Variants in NCMAP observed in about 807,000 individuals in gnomAD.
NCMAP encodes non-compact myelin associated protein.
Under a neutral mutation model 7.8 loss-of-function variants are expected in NCMAP, and 8 were observed. That is an observed-to-expected ratio of 1.02 (90% CI 0.60 to 1.84). The LOEUF is 1.84. NCMAP is among the 40% of genes most tolerant of loss of function. NCMAP has a pLI of 0.00. For synonymous variants in NCMAP, 41 were observed against 52.9 expected (o/e 0.78, Z 0.98); for missense variants, 112 against 131.4 (o/e 0.85, Z 0.72).
At chr1:24,602,192 G>A (rs1352239979) in intron 3 of NCMAP, among the ~76,000 whole-genome samples, 2 of 152,172 alleles carry the variant, frequency 1.3e-5, no homozygotes, top group Non-Finnish European at 2.9e-5. Context: ...CCAAGGGAAA[G>A]CAACACAGCA....
chr1:24,592,350 G>A (rs1366581799), intron 1 of NCMAP, among the ~76,000 whole-genome samples: 2 of 152,154 alleles, frequency 1.3e-5, no homozygotes, highest in Admixed American at 1.3e-4. Flanking sequence ...AGTTCGTCTA[G>A]TATTCCCTGT....
chr1:24,565,402 C>T (rs1651197914), intron 1 of NCMAP, among the ~76,000 whole-genome samples: 1 of 111,030 alleles, frequency 9.0e-6, no homozygotes, highest in African/African-American at 4.9e-5. Flanking sequence ...GTCACTGCAA[C>T]ACTTGTTCTC....
At position 24,571,506 on chromosome 1, in the gene NCMAP, A is replaced by C. The variant is rs141402832; in HGVS notation, c.-8+15337A>C. The stretch of plus-strand genomic sequence containing the variant: ...AAAGAAAGAAAAAAGAAACAGGCTA[A>C]ATTTTGATATTTTATGTAACCCAGC... On this transcript the variant is annotated intron_variant, in intron 1 of 3. Coordinates refer to ENST00000374392, the MANE Select transcript of NCMAP (RefSeq NM_001010980.5). Among the ~76,000 whole-genome samples the C allele has an allele frequency of 1.6e-4, 24 of 150,700 alleles. No individual in the cohort carries two copies. In the East Asian group the frequency reaches 4.6e-3, roughly 29 times the overall value.
chr1:24,581,931 G>T (rs1344425212), intron 1 of NCMAP, among the ~76,000 whole-genome samples: 1 of 152,176 alleles, frequency 6.6e-6, no homozygotes, highest in Non-Finnish European at 1.5e-5. Flanking sequence ...GGTCCTTCAG[G>T]ACAGGATGAA....
rs369104585 is a variant in NCMAP at position 24,605,666 on chromosome 1, C to T, written c.228C>T (p.Ala76=). Residue 76 remains alanine, a synonymous_variant, in exon 4 of 4, where the codon GCC becomes GCT. Coordinates refer to ENST00000374392, the MANE Select transcript of NCMAP (RefSeq NM_001010980.5). ...PKGPKPTAPS[A]VGPNSNGSQH... ...GCCCCAAGCCAACCGCCCCTTCTGCCGTGGGCCCAAACAGCAACGGCAGCC... is the reference window on the plus strand; with the variant it reads ...GCCCCAAGCCAACCGCCCCTTCTGCTGTGGGCCCAAACAGCAACGGCAGCC... 3.3e-4 allele frequency: 530 copies of T among 1,614,036 alleles called. 1 individual carries two copies. The highest frequency in any genetic ancestry group is 4.0e-4 in the Non-Finnish European group (474 of 1,180,040).
At chr1:24,586,048 A>G (rs1239369651) in intron 1 of NCMAP, among the ~76,000 whole-genome samples, 1 of 151,992 alleles carries the variant, frequency 6.6e-6, no homozygotes, top group Non-Finnish European at 1.5e-5. Flanking sequence ...TGGCATGAGC[A>G]CTCCAGGCAC....
intron 3 of NCMAP, among the ~76,000 whole-genome samples, chr1:24,602,049 A>AC (rs1404741825): frequency 6.6e-6 from 1 of 152,026 alleles, no homozygotes; most frequent in East Asian, 1.9e-4. Context: ...TCAAAAAAAA[A>AC]AAAAATCATA....
Position 24,576,789 on chromosome 1 carries a change from T to C in NCMAP, c.-7-18635T>C, listed in dbSNP as rs1431430589. 2.6e-5 allele frequency among the ~76,000 whole-genome samples: 4 copies of C among 151,982 alleles called. No homozygotes were observed. The highest frequency in any genetic ancestry group is 9.7e-5 in the African/African-American group (4 of 41,376). Reference sequence around the variant, plus strand: ...GAGTTTTCAAGATGGCCGTGTTAAGTAGGTGAGGTAGTGAGCCCCATAGAC... The same window carrying C: ...GAGTTTTCAAGATGGCCGTGTTAAGCAGGTGAGGTAGTGAGCCCCATAGAC... On this transcript the variant is annotated intron_variant, in intron 1 of 3. Coordinates refer to ENST00000374392, the MANE Select transcript of NCMAP (RefSeq NM_001010980.5). This position sits in a 1 kb window ranked among gnomAD's most constrained non-coding sequence, Gnocchi z 4.0.
chr1:24,600,985 T>A lies in NCMAP; in HGVS notation c.128T>A (p.Ile43Asn). The A allele has an allele frequency of 1.9e-6, 3 of 1,614,160 alleles. No homozygotes were observed. The highest frequency in any genetic ancestry group is 2.5e-6 in the Non-Finnish European group (3 of 1,180,030). Residue 43 changes from isoleucine (I) to asparagine (N), a missense_variant, in exon 3 of 4, where the codon ATC becomes AAC. Transcript: ENST00000374392. ...VAAVVVVVII[I>N]FTVVLILLKM... is the part of the protein sequence containing the mutation. Reference sequence around the variant, plus strand: ...GCCGTTGTGGTGGTTGTCATCATCATCTTCACCGTGGTTCTGATCCTGCTG... The same window carrying A: ...GCCGTTGTGGTGGTTGTCATCATCAACTTCACCGTGGTTCTGATCCTGCTG...
chr1:24,571,026 C>T (rs937850360), intron 1 of NCMAP, among the ~76,000 whole-genome samples: 3 of 150,714 alleles, frequency 2.0e-5, no homozygotes, highest in Admixed American at 6.6e-5. Flanking sequence ...CATCAAACCC[C>T]ATTCTGCTTC....
rs201396171 is a variant in NCMAP, at chr1:24,573,598, AAGAAACAAAAAC to A, written c.-8+17431_-8+17442del. 3.8e-3 allele frequency among the ~76,000 whole-genome samples: 557 copies of A among 145,706 alleles called. 36 individuals carry two copies. The highest frequency in any genetic ancestry group is 0.015 in the African/African-American group (548 of 36,266). On this transcript the variant is annotated intron_variant, in intron 1 of 3. Coordinates refer to ENST00000374392, the MANE Select transcript of NCMAP (RefSeq NM_001010980.5). ...GCAAGACTCTGTCCCCCCTACAAAA[AAGAAACAAAAAC>A]AAAAACAAAAACAAAAACTTGACTG...
intron 3 of NCMAP, 67 bp downstream of exon 3, chr1:24,601,091 G>A: frequency 7.8e-7 from 1 of 1,284,670 alleles, no homozygotes. Flanking sequence ...TAAATGGGAG[G>A]TGATATATGG....
At chr1:24,599,739 G>A (rs557224200) in intron 2 of NCMAP, among the ~76,000 whole-genome samples, 5 of 146,014 alleles carry the variant, frequency 3.4e-5, no homozygotes, top group South Asian at 4.4e-4. Context: ...CATCACGCCC[G>A]GCTAATTTTT....
intron 1 of NCMAP, among the ~76,000 whole-genome samples, chr1:24,591,989 T>C (rs1008635698): frequency 1.3e-5 from 2 of 152,154 alleles, no homozygotes; most frequent in Admixed American, 1.3e-4. Flanking sequence ...TGACCCCTGC[T>C]TCCATCAGAG....
intron 1 of NCMAP, among the ~76,000 whole-genome samples, chr1:24,578,371 G>C (rs571108224): frequency 1.5e-3 from 223 of 149,952 alleles, no homozygotes; most frequent in African/African-American, 5.2e-3. Flanking sequence ...ATGGACACAG[G>C]AGTTTTCCAA....
chr1:24,582,222 C>T (rs904085563), intron 1 of NCMAP, among the ~76,000 whole-genome samples: 7 of 152,100 alleles, frequency 4.6e-5, no homozygotes, highest in Non-Finnish European at 1.5e-5. Context: ...TGTGTGTCTG[C>T]GTGTAAAGGC....
At chr1:24,577,427 T>TTTTTG (rs1553155959) in intron 1 of NCMAP, among the ~76,000 whole-genome samples, 1 of 139,712 alleles carries the variant, frequency 7.2e-6, no homozygotes, top group Non-Finnish European at 1.6e-5. Context: ...TTTTTTTTTT[T>TTTTTG]TTTTGGTTTT....
chr1:24,594,933 T>C (rs1305575776), intron 1 of NCMAP, among the ~76,000 whole-genome samples: 1 of 152,190 alleles, frequency 6.6e-6, no homozygotes, highest in Non-Finnish European at 1.5e-5. Context: ...TTCATCTGTT[T>C]ATTTATTTAT....
intron 2 of NCMAP, among the ~76,000 whole-genome samples, chr1:24,599,209 G>C (rs533889797): frequency 6.6e-6 from 1 of 150,726 alleles, no homozygotes; most frequent in Non-Finnish European, 1.5e-5. Flanking sequence ...GAACCCGGGA[G>C]GCAGAGGATG....
Sources: allele counts gnomAD v4.1 joint callset (sites outside exome capture counted in the v4.1 genomes callset), GRCh38; gene constraint gnomAD v4.1.1; non-coding constraint Gnocchi (gnomAD v3.1); transcripts MANE v1.5; gene names NCBI Gene and HGNC (gene_info 2026-07-23, HGNC 2026-07-21).